The following ALDH1A2 variants were observed in gnomAD, a reference collection of about 807,000 sequenced individuals.
The protein encoded by ALDH1A2 is retinal dehydrogenase 2.
A neutral mutation model predicts 60.3 loss-of-function variants in ALDH1A2; 27 were observed. That is an observed-to-expected ratio of 0.45 (90% CI 0.33 to 0.62). ALDH1A2 has a LOEUF of 0.62. Among genes scored for constraint, ALDH1A2 ranks in the 20% least tolerant of loss-of-function variants. The probability of loss-of-function intolerance (pLI) is 0.02; values close to 1 mark genes in which losing one functional copy is unlikely to be tolerated. For synonymous variants in ALDH1A2, 289 were observed against 232.4 expected (o/e 1.24, Z -2.21); for missense variants, 581 against 643.8 (o/e 0.90, Z 1.06).
At chr15:57,995,236 A>AAAAAAAGAGAAAATTTTGGTGG in intron 4 of ALDH1A2, 97 bp from the exon 5 acceptor site, 1 of 647,220 alleles carries the variant, frequency 1.5e-6, no homozygotes, top group South Asian at 1.8e-5. Context: ...AAAAAAAAAA[A>AAAAAAAGAGAAAATTTTGGTGG]CAAACAGAAA....
chr15:58,008,244 T>C (rs1271427428), intron 4 of ALDH1A2, among the ~76,000 whole-genome samples: 2 of 152,104 alleles, frequency 1.3e-5, no homozygotes, highest in Admixed American at 6.6e-5. Context: ...GAAAAACTTT[T>C]TGGGGAAAAA....
intron 1 of ALDH1A2, among the ~76,000 whole-genome samples, chr15:58,024,027 A>G (rs1163868261): frequency 2.6e-5 from 4 of 152,220 alleles, no homozygotes; most frequent in Admixed American, 6.5e-5. Context: ...TGGGAGGTGG[A>G]GGTTGCAGTG....
intron 7 of ALDH1A2, among the ~76,000 whole-genome samples, chr15:57,987,502 T>C (rs1287264420): frequency 6.6e-6 from 1 of 152,136 alleles, no homozygotes; most frequent in Admixed American, 6.5e-5. Context: ...CATGCCAGAA[T>C]GATATCTTTG....
chr15:57,992,780 T>G lies in ALDH1A2; in HGVS notation c.723A>C (p.Gly241=). The change falls in exon 7 of 13, where the codon GGA becomes GGC. Residue 241 remains glycine (G), a synonymous_variant. Transcript: ENST00000249750. ...FPPGVINILP[G]YGPTAGAAIA... ...TTGCTGCCCCAGCCGTTGGCCCATA[T>G]CCTGGCAAAATATTGATGACCCCGG... 1.3e-5 allele frequency: 21 copies of G among 1,614,162 alleles called. No homozygotes were observed. The highest frequency in any genetic ancestry group is 1.8e-5 in the Non-Finnish European group (21 of 1,180,012).
chr15:57,998,732 C>T (rs1463798250), intron 4 of ALDH1A2, among the ~76,000 whole-genome samples: 1 of 151,860 alleles, frequency 6.6e-6, no homozygotes, highest in Non-Finnish European at 1.5e-5. Context: ...CTAAAGAGCC[C>T]ATATAGCCAA....
intron 1 of ALDH1A2, among the ~76,000 whole-genome samples, chr15:58,028,798 A>T (rs1896149620): frequency 6.6e-6 from 1 of 152,170 alleles, no homozygotes; most frequent in Admixed American, 6.5e-5. Context: ...CAAAAGAGAC[A>T]AAAAAGGCCA....
At chr15:57,992,542 T>G (rs1894930268) in intron 7 of ALDH1A2, among the ~76,000 whole-genome samples, 163 bp downstream of exon 7, 1 of 152,204 alleles carries the variant, frequency 6.6e-6, no homozygotes, top group South Asian at 2.1e-4. Context: ...TGCCTTTGCT[T>G]TCACATCCAC....
At chr15:57,956,690 C>T (rs780519635) in intron 12 of ALDH1A2, among the ~76,000 whole-genome samples, 1 of 152,234 alleles carries the variant, frequency 6.6e-6, no homozygotes, top group Non-Finnish European at 1.5e-5. Context: ...TTATTACCAG[C>T]TCAGCTCTGG....
Position 58,014,010 on chromosome 15 carries a change from G to A in ALDH1A2, c.223-12C>T. On this transcript the variant is annotated splice_polypyrimidine_tract_variant and intron_variant, in intron 2 of 12. Coordinates refer to ENST00000249750, the MANE Select transcript of ALDH1A2 (RefSeq NM_003888.4). ...TTGTCTATATCTGCCTGTTAGAGAG[G>A]AAGAGGCACAACTGAAGAAAAACAC... 6.2e-7 allele frequency: 1 copy of A among 1,614,092 alleles called. No homozygotes were observed.
intron 12 of ALDH1A2, among the ~76,000 whole-genome samples, chr15:57,958,392 T>C (rs575740071): frequency 5.3e-5 from 8 of 152,234 alleles, no homozygotes; most frequent in African/African-American, 1.9e-4. Flanking sequence ...GGGAGTTTGA[T>C]AAGGAAGTAA....
chr15:57,978,654 G>T (rs1894362445), intron 7 of ALDH1A2, among the ~76,000 whole-genome samples: 1 of 152,158 alleles, frequency 6.6e-6, no homozygotes, highest in Admixed American at 6.5e-5. Context: ...GGGGGTCCCT[G>T]TGCAGTACTT....
At chr15:57,976,018 A>G (rs1459338861) in intron 7 of ALDH1A2, among the ~76,000 whole-genome samples, 1 of 152,210 alleles carries the variant, frequency 6.6e-6, no homozygotes, top group African/African-American at 2.4e-5. Flanking sequence ...GCTGTTAATA[A>G]AGGTACATTA....
At chr15:57,960,961 A>G in intron 11 of ALDH1A2, 117 bp from the exon 12 acceptor site, 1 of 1,341,798 alleles carries the variant, frequency 7.5e-7, no homozygotes, top group East Asian at 2.4e-5. Context: ...AGAGGAAAAA[A>G]TTGTAATTTA....
chr15:58,008,504 T>C (rs1464977866), intron 4 of ALDH1A2, among the ~76,000 whole-genome samples: 1 of 152,084 alleles, frequency 6.6e-6, no homozygotes, highest in Non-Finnish European at 1.5e-5. Flanking sequence ...TTATCAGGGA[T>C]GTCAATCAAT....
At chr15:58,004,262 T>G (rs749797063) in intron 4 of ALDH1A2, among the ~76,000 whole-genome samples, 10 of 151,846 alleles carry the variant, frequency 6.6e-5, no homozygotes, top group Admixed American at 1.3e-4. Flanking sequence ...TGGGGAGAAA[T>G]AAAACAAGTA....
At chr15:58,005,528 A>G (rs772599870) in intron 4 of ALDH1A2, among the ~76,000 whole-genome samples, 12 of 151,966 alleles carry the variant, frequency 7.9e-5, no homozygotes, top group Non-Finnish European at 1.8e-4. Flanking sequence ...GTAAAAGAAA[A>G]TCCCTTCCAA....
intron 1 of ALDH1A2, among the ~76,000 whole-genome samples, chr15:58,025,461 G>C (rs1367732810): frequency 6.6e-6 from 1 of 152,084 alleles, no homozygotes; most frequent in Non-Finnish European, 1.5e-5. Context: ...GATTGAATCA[G>C]GAAGAAACAG....
chr15:58,046,668 A>G (rs1896646696), intron 1 of ALDH1A2, among the ~76,000 whole-genome samples: 1 of 152,048 alleles, frequency 6.6e-6, no homozygotes, highest in Non-Finnish European at 1.5e-5. Context: ...GAGCTATTGC[A>G]CAATTAGTGA....
chr15:58,027,446 C>G (rs1421617638), intron 1 of ALDH1A2, among the ~76,000 whole-genome samples: 1 of 152,158 alleles, frequency 6.6e-6, no homozygotes, highest in Non-Finnish European at 1.5e-5. Context: ...GAAGAGAAAC[C>G]TGAGCAGAAA....
Sources: gnomAD v4.1 joint callset for allele counts (sites outside exome capture counted in the v4.1 genomes callset) on GRCh38, gnomAD v4.1.1 for gene constraint, MANE v1.5 for transcripts, NCBI Gene and HGNC (gene_info 2026-07-23, HGNC 2026-07-21) for gene names.